MAGI2: variants seen among roughly 807,000 people sequenced by gnomAD.
MAGI2 encodes membrane associated guanylate kinase, WW and PDZ domain containing 2.
MAGI2 carries 35 observed loss-of-function variants against 133.3 expected under a neutral mutation model. That is an observed-to-expected ratio of 0.26 (90% CI 0.20 to 0.35). MAGI2 has a LOEUF of 0.35. MAGI2 is among the 10% of genes least tolerant of loss of function. The pLI is 1.00. For missense variants in MAGI2, 1,636 were observed against 1,863.4 expected (o/e 0.88, Z 2.25); for synonymous variants, 729 against 710.6 (o/e 1.03, Z -0.41).
chr7:79,269,073 T>C (rs980683453), intron 1 of MAGI2, among the ~76,000 whole-genome samples: 7 of 152,182 alleles, frequency 4.6e-5, no homozygotes, highest in Non-Finnish European at 8.8e-5. Context: ...TACGCTTTTA[T>C]TGGAAGTCAA....
intron 1 of MAGI2, among the ~76,000 whole-genome samples, chr7:79,114,670 C>G (rs1227089629): frequency 1.3e-5 from 2 of 152,096 alleles, no homozygotes; most frequent in Non-Finnish European, 2.9e-5. Context: ...ACAGAGCCCC[C>G]CCATTACCAA....
intron 9 of MAGI2, among the ~76,000 whole-genome samples, chr7:78,291,906 T>G (rs1255421956): frequency 1.3e-5 from 2 of 152,136 alleles, no homozygotes; most frequent in African/African-American, 2.4e-5. Context: ...AAACTCTCAA[T>G]AAACTAGGTA....
intron 2 of MAGI2, among the ~76,000 whole-genome samples, chr7:78,889,353 C>G (rs992249937): frequency 5.3e-5 from 8 of 152,276 alleles, no homozygotes; most frequent in Middle Eastern, 3.4e-3. Context: ...GGCAGGCCAA[C>G]ATTCAAATTC....
chr7:78,297,625 T>C (rs1428774409), intron 9 of MAGI2, among the ~76,000 whole-genome samples: 2 of 151,562 alleles, frequency 1.3e-5, no homozygotes, highest in East Asian at 1.9e-4. Context: ...GTGGCACATA[T>C]GCACCATGGA....
intron 2 of MAGI2, among the ~76,000 whole-genome samples, chr7:78,786,117 A>T (rs771792700): frequency 2.6e-5 from 4 of 151,546 alleles, no homozygotes; most frequent in Non-Finnish European, 5.9e-5. Context: ...TGTTAAAAGG[A>T]GCTCCATGTT....
intron 1 of MAGI2, among the ~76,000 whole-genome samples, chr7:79,172,411 A>T: frequency 6.6e-6 from 1 of 152,078 alleles, no homozygotes; most frequent in East Asian, 1.9e-4. Context: ...GGACAAATTC[A>T]GACAAAAGAT....
intron 7 of MAGI2, among the ~76,000 whole-genome samples, chr7:78,358,094 T>C (rs1792285607): frequency 7.4e-6 from 1 of 135,460 alleles, no homozygotes; most frequent in Non-Finnish European, 1.5e-5. Flanking sequence ...TCCTGGGAAG[T>C]CGAGGCTGCA....
chr7:78,241,886 A>T (rs1791182641), intron 10 of MAGI2, among the ~76,000 whole-genome samples: 1 of 151,920 alleles, frequency 6.6e-6, no homozygotes, highest in African/African-American at 2.4e-5. Flanking sequence ...GTGAGCCGAG[A>T]TCATGCCACT....
chr7:78,347,241 G>C (rs1791014194), intron 7 of MAGI2: 2 of 152,308 alleles, frequency 1.3e-5, no homozygotes, highest in Non-Finnish European at 1.5e-5. Context: ...GCTTCAGAAA[G>C]GAAAGGAGAC....
chr7:79,166,796 T>A (rs1214510169), intron 1 of MAGI2, among the ~76,000 whole-genome samples: 1 of 152,058 alleles, frequency 6.6e-6, no homozygotes. Flanking sequence ...ATAGCTCTAA[T>A]AAGGATAGGT....
chr7:79,230,427 A>G (rs1432001822), intron 1 of MAGI2, among the ~76,000 whole-genome samples: 3 of 150,972 alleles, frequency 2.0e-5, no homozygotes, highest in Admixed American at 6.6e-5. Flanking sequence ...AAGTGTTCCT[A>G]TTTCTCCACA....
intron 2 of MAGI2, among the ~76,000 whole-genome samples, chr7:78,934,824 T>A (rs151104967): frequency 3.7e-4 from 57 of 152,300 alleles, no homozygotes; most frequent in African/African-American, 1.3e-3. Flanking sequence ...TAACATGATC[T>A]GTTTCAGTAT....
intron 9 of MAGI2, among the ~76,000 whole-genome samples, chr7:78,328,313 TCTGTAAGTTTTGAGATTACA>T (rs1788793915): frequency 6.6e-6 from 1 of 151,814 alleles, no homozygotes; most frequent in Admixed American, 6.6e-5. Flanking sequence ...GAGGTTCTAC[TCTGTAAGTTTTGAGATTACA>T]TCTGTCACCA....
intron 4 of MAGI2, among the ~76,000 whole-genome samples, chr7:78,515,659 G>C (rs1795975432): frequency 6.6e-6 from 1 of 150,708 alleles, no homozygotes; most frequent in South Asian, 2.1e-4. Context: ...CCAGCACTTT[G>C]GGAGGCCGAG....
At chr7:78,556,257 G>T in intron 3 of MAGI2, among the ~76,000 whole-genome samples, 1 of 152,284 alleles carries the variant, frequency 6.6e-6, no homozygotes, top group East Asian at 1.9e-4. Flanking sequence ...ATGGTTAGGG[G>T]CAAAACAGGG....
chr7:79,422,770 C>T (rs1356114612), intron 1 of MAGI2, among the ~76,000 whole-genome samples: 1 of 151,960 alleles, frequency 6.6e-6, no homozygotes, highest in African/African-American at 2.4e-5. Flanking sequence ...CACAGCCCGA[C>T]TCTGGGAAGG....
chr7:78,866,221 T>C (rs1794540059), intron 2 of MAGI2, among the ~76,000 whole-genome samples: 1 of 152,158 alleles, frequency 6.6e-6, no homozygotes, highest in Admixed American at 6.6e-5. Context: ...CTGTCTTTAG[T>C]TGGAGAGTTG....
rs867332434 is a variant in MAGI2, at chr7:78,952,503, G to T, written c.418+54587C>A. On this transcript the variant is annotated intron_variant, in intron 2 of 21. Transcript: ENST00000354212. Reference sequence around the variant, plus strand: ...CATTTGTACAAGCCTACTCTGAGTCGTGCTGAAAATAACTGCCCCATTCAG... The same window carrying T: ...CATTTGTACAAGCCTACTCTGAGTCTTGCTGAAAATAACTGCCCCATTCAG... Among the ~76,000 whole-genome samples the T allele has an allele frequency of 3.9e-5, 6 of 151,908 alleles. 1 individual carries two copies. In the Middle Eastern group the frequency reaches 0.01, roughly 258 times the overall value.
At chr7:78,792,203 A>G (rs1344022495) in intron 2 of MAGI2, among the ~76,000 whole-genome samples, 1 of 152,192 alleles carries the variant, frequency 6.6e-6, no homozygotes, top group Admixed American at 6.5e-5. Flanking sequence ...ACTTTCAGTG[A>G]TTTATTTATA....
Sources: allele counts gnomAD v4.1 joint callset (sites outside exome capture counted in the v4.1 genomes callset), GRCh38; gene constraint gnomAD v4.1.1; transcripts MANE v1.5; gene names NCBI Gene and HGNC (gene_info 2026-07-23, HGNC 2026-07-21).